TASP1: variants seen among roughly 807,000 people sequenced by gnomAD.
The protein encoded by TASP1 is taspase 1.
In TASP1, 16 loss-of-function variants were observed where a neutral mutation model predicts 56.6. The observed-to-expected ratio is 0.28, with a 90% CI of 0.19 to 0.43. TASP1 has a LOEUF of 0.43. TASP1 is among the 20% of genes least tolerant of loss of function. The pLI is 1.00. For missense variants in TASP1, 393 were observed against 511.6 expected, an observed-to-expected ratio of 0.77 and a Z score of 2.24; for synonymous variants, 179 against 184.2, an observed-to-expected ratio of 0.97 and a Z score of 0.23.
the TASP1 span, chr20:13,160,063 C>T: frequency 6.2e-7 from 1 of 1,613,740 alleles, no homozygotes; most frequent in African/African-American, 1.3e-5. Flanking sequence ...GATTTCCAGC[C>T]ACTCCCCTCG....
intron 13 of TASP1, chr20:13,393,460 A>G: frequency 2.5e-6 from 2 of 790,878 alleles, no homozygotes; most frequent in Non-Finnish European, 4.4e-6. Context: ...AAGGTGGTGA[A>G]GCAGGTGTCA....
chr20:13,462,817 CA>C (rs1445160819), intron 11 of TASP1, among the ~76,000 whole-genome samples: 1 of 151,672 alleles, frequency 6.6e-6, no homozygotes, highest in Admixed American at 6.6e-5. Flanking sequence ...TAAACTTAAC[CA>C]AAAAGGCAAA....
chr20:13,242,500 A>G, the TASP1 span, among the ~76,000 whole-genome samples: 1 of 152,174 alleles, frequency 6.6e-6, no homozygotes, highest in Non-Finnish European at 1.5e-5. Flanking sequence ...ATGGAGGAAA[A>G]GCCCGAGAAG....
chr20:13,625,368 T>C lies in TASP1; in HGVS notation c.146-116A>G, dbSNP rs112393782. 111 of 712,350 alleles carry C rather than the reference T, an allele frequency of 1.6e-4. No homozygotes were observed. In the African/African-American group the frequency reaches 1.9e-3, roughly 12 times the overall value. The allele number at this position is 712,350 out of a possible 1,614,324, so 44.1% of individuals were successfully genotyped here. ...CTAGTAAAAAACAAAACTATTGCCCTAACTGTATGGCGTTTTATGACTTCT... is the reference window on the plus strand; with the variant it reads ...CTAGTAAAAAACAAAACTATTGCCCCAACTGTATGGCGTTTTATGACTTCT... On this transcript the variant is annotated intron_variant, in intron 2 of 13. Transcript: ENST00000337743.
chr20:13,465,989 T>C (rs1055329404), intron 11 of TASP1, among the ~76,000 whole-genome samples: 1 of 152,050 alleles, frequency 6.6e-6, no homozygotes, highest in Non-Finnish European at 1.5e-5. Context: ...CATACACACA[T>C]GCACACACAC....
chr20:13,217,513 A>G, the TASP1 span, among the ~76,000 whole-genome samples: 3 of 151,892 alleles, frequency 2.0e-5, no homozygotes, highest in African/African-American at 7.3e-5. Context: ...AATTTCTCTT[A>G]CTTCCTTAAA....
At chr20:13,577,136 G>A (rs559325481) in intron 6 of TASP1, among the ~76,000 whole-genome samples, 1 of 152,250 alleles carries the variant, frequency 6.6e-6, no homozygotes, top group South Asian at 2.1e-4. Context: ...CGGTGAGCAT[G>A]GGGGACAGTA....
At chr20:13,186,588 C>A in the TASP1 span, among the ~76,000 whole-genome samples, 1 of 152,152 alleles carries the variant, frequency 6.6e-6, no homozygotes, top group African/African-American at 2.4e-5. Context: ...ACAAAACACT[C>A]CCCTTCCCCA....
At chr20:13,589,809 T>C (rs915385222) in intron 4 of TASP1, among the ~76,000 whole-genome samples, 4 of 152,158 alleles carry the variant, frequency 2.6e-5, no homozygotes, top group Non-Finnish European at 4.4e-5. Context: ...TGAATTAACA[T>C]TTCTCCAAAT....
chr20:13,294,662 C>CA, the TASP1 span, among the ~76,000 whole-genome samples: 4 of 152,128 alleles, frequency 2.6e-5, no homozygotes, highest in Non-Finnish European at 5.9e-5. Flanking sequence ...GGACTGCTTG[C>CA]AAAGGTACAA....
At chr20:13,121,856 A>G in the TASP1 span, among the ~76,000 whole-genome samples, 1 of 152,236 alleles carries the variant, frequency 6.6e-6, no homozygotes, top group African/African-American at 2.4e-5. Context: ...TCTTAACATT[A>G]AAAAGAACCA....
Position 13,394,307 on chromosome 20 carries a change from C to CAAAAAAAAAAAAAAAAAAAAAAAAAGA in TASP1, c.1171-3856_1171-3855insTCTTTTTTTTTTTTTTTTTTTTTTTTT, listed in dbSNP as rs57418361. Among the ~76,000 whole-genome samples the CAAAAAAAAAAAAAAAAAAAAAAAAAGA allele has an allele frequency of 4.7e-5, 2 of 42,948 alleles. 1 individual carries two copies. The highest frequency in any genetic ancestry group is 1.8e-4 in the African/African-American group (2 of 10,864). The allele number at this position is 42,948 out of a possible 152,430, so 28.2% of individuals were successfully genotyped here. A position where few individuals can be genotyped will look rare whatever the true frequency, so the allele number is the denominator to read the frequency against. On this transcript the variant is annotated intron_variant, in intron 13 of 13. Coordinates refer to ENST00000337743, the MANE Select transcript of TASP1 (RefSeq NM_017714.3). ...GCCACTGCACTACAGCACTCCCTCTCAAAAAAAAAAAAAAAAAAAAAGGCC... is the reference window on the plus strand; with the variant it reads ...GCCACTGCACTACAGCACTCCCTCTCAAAAAAAAAAAAAAAAAAAAAAAAAGAAAAAAAAAAAAAAAAAAAAAAGGCC...
At chr20:13,393,217 C>A (rs940537631) in intron 13 of TASP1, 2 of 725,968 alleles carry the variant, frequency 2.8e-6, no homozygotes, top group African/African-American at 3.5e-5. Context: ...CACGCTATCA[C>A]TGCCACCCAG....
At chr20:13,628,557 G>A (rs2048979015) in intron 2 of TASP1, among the ~76,000 whole-genome samples, 1 of 152,172 alleles carries the variant, frequency 6.6e-6, no homozygotes, top group Admixed American at 6.5e-5. Context: ...CTCTGGATTA[G>A]ATTCACATAA....
the TASP1 span, among the ~76,000 whole-genome samples, chr20:13,376,102 G>C: frequency 6.6e-6 from 1 of 152,054 alleles, no homozygotes; most frequent in African/African-American, 2.4e-5. Context: ...TGTCAATTTT[G>C]GCTTTTGTTG....
the TASP1 span, among the ~76,000 whole-genome samples, chr20:13,305,340 T>C: frequency 1.3e-5 from 2 of 152,288 alleles, no homozygotes; most frequent in East Asian, 1.9e-4. Context: ...AGACCCGTAC[T>C]ACTCTGAGGA....
chr20:13,114,786 T>C, the TASP1 span, among the ~76,000 whole-genome samples: 1 of 152,218 alleles, frequency 6.6e-6, no homozygotes, highest in Non-Finnish European at 1.5e-5. Flanking sequence ...ACCAAGGAGA[T>C]TTTTCCACCA....
intron 4 of TASP1, among the ~76,000 whole-genome samples, chr20:13,599,423 G>A (rs1336827546): frequency 3.9e-5 from 6 of 152,072 alleles, no homozygotes; most frequent in South Asian, 2.1e-4. Context: ...AAACTATCAC[G>A]AGGACAGAAA....
intron 11 of TASP1, among the ~76,000 whole-genome samples, chr20:13,453,936 A>C (rs1239472565): frequency 6.6e-6 from 1 of 152,054 alleles, no homozygotes; most frequent in East Asian, 1.9e-4. Flanking sequence ...AATTCTGACT[A>C]AAAGATGAGG....
Sources: gnomAD v4.1 joint callset for allele counts (sites outside exome capture counted in the v4.1 genomes callset) on GRCh38, gnomAD v4.1.1 for gene constraint, MANE v1.5 for transcripts, NCBI Gene and HGNC (gene_info 2026-07-23, HGNC 2026-07-21) for gene names.